XYLT1: variants seen among roughly 807,000 people sequenced by gnomAD.
XYLT1 encodes the protein beta-D-xylosyltransferase 1.
Under a neutral mutation model 91.3 loss-of-function variants are expected in XYLT1, and 36 were observed. That is an observed-to-expected ratio of 0.39 (90% CI 0.30 to 0.52). XYLT1 has a LOEUF of 0.52. Among genes scored for constraint, XYLT1 ranks in the 20% least tolerant of loss-of-function variants. The pLI is 0.68. For synonymous variants in XYLT1, 588 were observed against 532.0 expected, an observed-to-expected ratio of 1.11 and a Z score of -1.45; for missense variants, 1,242 against 1,284.5, an observed-to-expected ratio of 0.97 and a Z score of 0.51.
intron 6 of XYLT1, among the ~76,000 whole-genome samples, chr16:17,157,468 A>G (rs2031435672): frequency 6.6e-6 from 1 of 152,234 alleles, no homozygotes; most frequent in Non-Finnish European, 1.5e-5. Context: ...GATCCAGGAA[A>G]TAACTGCCAT....
intron 9 of XYLT1, among the ~76,000 whole-genome samples, chr16:17,131,379 G>GGTGT (rs755317278): frequency 1.3e-5 from 2 of 152,130 alleles, no homozygotes; most frequent in Non-Finnish European, 2.9e-5. Flanking sequence ...TTGGCCCAAA[G>GGTGT]CTGTTTTTCT....
chr16:17,222,105 G>A (rs540542333), intron 3 of XYLT1, among the ~76,000 whole-genome samples: 95 of 152,264 alleles, frequency 6.2e-4, no homozygotes, highest in Non-Finnish European at 6.8e-4. Context: ...TTCCACTCAC[G>A]TTCCTCTGAG....
At chr16:17,348,358 G>C (rs911833756) in intron 2 of XYLT1, among the ~76,000 whole-genome samples, 3 of 152,060 alleles carry the variant, frequency 2.0e-5, no homozygotes, top group African/African-American at 2.4e-5. Context: ...AGCAGCTCTG[G>C]GTCCTGGTTT....
chr16:17,397,337 A>G (rs1009695958), intron 1 of XYLT1, among the ~76,000 whole-genome samples: 5 of 152,214 alleles, frequency 3.3e-5, no homozygotes, highest in Non-Finnish European at 7.3e-5. Context: ...TCATGGGCCC[A>G]GAAACAGTCT....
intron 2 of XYLT1, among the ~76,000 whole-genome samples, chr16:17,323,394 G>C (rs1379339806): frequency 6.6e-6 from 1 of 152,080 alleles, no homozygotes; most frequent in East Asian, 1.9e-4. Context: ...TTCCTAACTC[G>C]GGCAAAGCAG....
chr16:17,320,009 C>T (rs935040973), intron 2 of XYLT1, among the ~76,000 whole-genome samples: 24 of 152,312 alleles, frequency 1.6e-4, no homozygotes, highest in African/African-American at 5.8e-4. Context: ...TTTCTTCTGG[C>T]TCTTCTGGGA....
chr16:17,420,172 G>A (rs2036233977), intron 1 of XYLT1, among the ~76,000 whole-genome samples: 1 of 152,060 alleles, frequency 6.6e-6, no homozygotes, highest in Admixed American at 6.5e-5. Context: ...GTGTATATAA[G>A]CCACAAGTGC....
chr16:17,237,736 G>A lies in XYLT1; in HGVS notation c.913+21252C>T, dbSNP rs182865296. Reference sequence around the variant, plus strand: ...TGGGAGACCATGGGATGTTGTTGCTGGATGCCATCTGCTGGCAAAATGCAG... The same window carrying A: ...TGGGAGACCATGGGATGTTGTTGCTAGATGCCATCTGCTGGCAAAATGCAG... On this transcript the variant is annotated intron_variant, in intron 3 of 11. Coordinates refer to ENST00000261381, the MANE Select transcript of XYLT1 (RefSeq NM_022166.4). Among the ~76,000 whole-genome samples the A allele has an allele frequency of 2.6e-5, 4 of 152,328 alleles. No homozygotes were observed. The East Asian group carries it at 7.7e-4, about 29-fold the overall frequency.
chr16:17,138,328 GGCTGGCAGA>G lies in XYLT1; in HGVS notation c.1764+18_1764+26del. On this transcript the variant is annotated intron_variant, in intron 8 of 11. Transcript: ENST00000261381. ...TTTGTTGGGAAGGCATCACTTAGGA[GGCTGGCAGA>G]CCATGAGAAAGTCTCACCTGGAAGC... 1.2e-6 allele frequency: 2 copies of G among 1,603,562 alleles called. No homozygotes were observed. Among genetic ancestry groups the G allele is most frequent in the Non-Finnish European group, 1.7e-6 (2 of 1,172,198 alleles).
At chr16:17,140,080 G>GCAAT (rs768264414) in intron 7 of XYLT1, among the ~76,000 whole-genome samples, 7 of 152,196 alleles carry the variant, frequency 4.6e-5, no homozygotes, top group Non-Finnish European at 8.8e-5. Context: ...AAATGAGGGT[G>GCAAT]CAATCAACCT....
chr16:17,156,010 C>T (rs141415985), intron 6 of XYLT1, among the ~76,000 whole-genome samples: 1 of 152,322 alleles, frequency 6.6e-6, no homozygotes, highest in African/African-American at 2.4e-5. Context: ...CCATCACCAT[C>T]ATCATAAACA....
chr16:17,397,248 G>A (rs375637577), intron 1 of XYLT1, among the ~76,000 whole-genome samples: 3 of 152,038 alleles, frequency 2.0e-5, no homozygotes, highest in East Asian at 1.9e-4. Context: ...CGGCAGGTTC[G>A]GGTAACAGAA....
At chr16:17,143,487 A>G (rs991387937) in intron 6 of XYLT1, among the ~76,000 whole-genome samples, 1 of 151,974 alleles carries the variant, frequency 6.6e-6, no homozygotes, top group African/African-American at 2.4e-5. Context: ...CACGACCAGG[A>G]CTCTGGATTT....
chr16:17,379,500 G>A (rs958329431), intron 1 of XYLT1, among the ~76,000 whole-genome samples: 6 of 152,132 alleles, frequency 3.9e-5, no homozygotes, highest in Non-Finnish European at 8.8e-5. Context: ...CCTGGCCCCC[G>A]GAGGATGCGG....
intron 3 of XYLT1, among the ~76,000 whole-genome samples, chr16:17,217,374 A>G (rs1365739540): frequency 1.3e-5 from 2 of 152,246 alleles, no homozygotes; most frequent in African/African-American, 4.8e-5. Context: ...ATGAAGTAAA[A>G]AAAAACCCAG....
At chr16:17,176,866 C>T (rs915233587) in intron 5 of XYLT1, among the ~76,000 whole-genome samples, 20 of 151,266 alleles carry the variant, frequency 1.3e-4, no homozygotes, top group African/African-American at 4.6e-4. Context: ...CTTTTTCCCA[C>T]TGCCAAGCAA....
At chr16:17,343,578 C>A (rs887966486) in intron 2 of XYLT1, among the ~76,000 whole-genome samples, 3 of 152,222 alleles carry the variant, frequency 2.0e-5, no homozygotes, top group Admixed American at 2.0e-4. Context: ...TCAAGTGATC[C>A]TCCCACCTCA....
At chr16:17,397,588 A>G (rs2035904244) in intron 1 of XYLT1, among the ~76,000 whole-genome samples, 1 of 152,024 alleles carries the variant, frequency 6.6e-6, no homozygotes, top group East Asian at 1.9e-4. Flanking sequence ...CTCTGATGCT[A>G]TCAAAGGCCT....
chr16:17,400,487 G>A (rs1347558363), intron 1 of XYLT1, among the ~76,000 whole-genome samples: 3 of 152,164 alleles, frequency 2.0e-5, no homozygotes, highest in East Asian at 1.9e-4. Context: ...CTACTTAGGA[G>A]GCTGAGGCAT....
Sources: gnomAD v4.1 joint callset for allele counts (sites outside exome capture counted in the v4.1 genomes callset) on GRCh38, gnomAD v4.1.1 for gene constraint, MANE v1.5 for transcripts, NCBI Gene and HGNC (gene_info 2026-07-23, HGNC 2026-07-21) for gene names.